The following ACSBG1 variants were observed in gnomAD, a reference collection of about 807,000 sequenced individuals.
ACSBG1 encodes acyl-CoA synthetase bubblegum family member 1.
A neutral mutation model predicts 80.2 loss-of-function variants in ACSBG1; 39 were observed. That is an observed-to-expected ratio of 0.49 (90% confidence interval 0.38 to 0.64). ACSBG1 has a LOEUF of 0.64. Among genes scored for constraint, ACSBG1 ranks in the 30% least tolerant of loss-of-function variants. ACSBG1 has a pLI of 0.00. For synonymous variants in ACSBG1, 392 were observed against 379.5 expected, an observed-to-expected ratio of 1.03 and a Z score of -0.38; for missense variants, 828 against 966.4, an observed-to-expected ratio of 0.86 and a Z score of 1.90.
At chr15:78,179,007 T>G in intron 10 of ACSBG1, 176 bp from the exon 11 acceptor site, 2 of 628,508 alleles carry the variant, frequency 3.2e-6, no homozygotes, top group Non-Finnish European at 5.5e-6. Context: ...AGTAAAGGGT[T>G]TTAGGGAATG....
At chr15:78,190,074 T>A (rs1421791579) in intron 5 of ACSBG1, among the ~76,000 whole-genome samples, 1 of 151,982 alleles carries the variant, frequency 6.6e-6, no homozygotes, top group Non-Finnish European at 1.5e-5. Flanking sequence ...TGTGGGTAAA[T>A]ATGAAACATA....
intron 1 of ACSBG1, among the ~76,000 whole-genome samples, chr15:78,209,503 G>A (rs1013343230): frequency 3.3e-5 from 5 of 152,338 alleles, no homozygotes; most frequent in African/African-American, 1.2e-4. Context: ...GCGTGTGAAT[G>A]CTGCAGAACT....
At chr15:78,198,360 T>C (rs2075134046) in intron 2 of ACSBG1, among the ~76,000 whole-genome samples, 1 of 142,242 alleles carries the variant, frequency 7.0e-6, no homozygotes, top group East Asian at 2.2e-4. Flanking sequence ...TCTTTTTTTG[T>C]TTTTGAGACA....
intron 1 of ACSBG1, chr15:78,213,476 C>CCTCT (rs2075283666): frequency 6.6e-6 from 1 of 152,364 alleles, no homozygotes; most frequent in South Asian, 2.1e-4. Flanking sequence ...CTCAGCAACC[C>CCTCT]CTCTGCTCCC....
chr15:78,218,872 C>T (rs1014656312), intron 1 of ACSBG1, among the ~76,000 whole-genome samples: 16 of 142,564 alleles, frequency 1.1e-4, no homozygotes, highest in Admixed American at 9.0e-4. Context: ...AGTGCAGTGG[C>T]GCGATCTTGG....
At chr15:78,211,959 G>A (rs1005978707) in intron 1 of ACSBG1, among the ~76,000 whole-genome samples, 6 of 152,204 alleles carry the variant, frequency 3.9e-5, no homozygotes, top group Non-Finnish European at 7.3e-5. Context: ...AGTACTTACT[G>A]TTGGAGCTCA....
At chr15:78,222,700 G>A (rs762674617) in intron 1 of ACSBG1, among the ~76,000 whole-genome samples, 1 of 152,164 alleles carries the variant, frequency 6.6e-6, no homozygotes, top group Non-Finnish European at 1.5e-5. Context: ...CAAAGCAGAC[G>A]TGAGGTGGGA....
intron 2 of ACSBG1, among the ~76,000 whole-genome samples, chr15:78,204,311 T>C (rs1399141500): frequency 6.6e-6 from 1 of 152,230 alleles, no homozygotes; most frequent in Admixed American, 6.5e-5. Context: ...GTAAGGGACC[T>C]GAGATGGGCT....
At chr15:78,181,489 CTTT>C (rs71145901) in intron 8 of ACSBG1, among the ~76,000 whole-genome samples, 3 of 83,042 alleles carry the variant, frequency 3.6e-5, no homozygotes, top group Admixed American at 1.5e-4. Flanking sequence ...CATCAGGTTT[CTTT>C]TTTTTTTTTT....
intron 1 of ACSBG1, among the ~76,000 whole-genome samples, chr15:78,232,736 G>A (rs1438449987): frequency 6.6e-6 from 1 of 151,430 alleles, no homozygotes; most frequent in Non-Finnish European, 1.5e-5. Flanking sequence ...CCAGGCTGGA[G>A]TGCAGTGGCA....
At chr15:78,214,937 C>A (rs2075295274) in intron 1 of ACSBG1, among the ~76,000 whole-genome samples, 1 of 152,186 alleles carries the variant, frequency 6.6e-6, no homozygotes, top group South Asian at 2.1e-4. Context: ...GCAATTCTTG[C>A]CTATTGCCAC....
At chr15:78,232,489 G>A (rs2075453908) in intron 1 of ACSBG1, among the ~76,000 whole-genome samples, 1 of 152,128 alleles carries the variant, frequency 6.6e-6, no homozygotes, top group South Asian at 2.1e-4. Flanking sequence ...GGGCACACAG[G>A]ACCCTCTGCC....
Position 78,168,950 on chromosome 15 carries a change from C to T in ACSBG1, c.*2494G>A. ...TTGACAAAAGATTTGGGAGGCAATG[C>T]AAAATGCTCAGACTTCACAGAGGAA... On this transcript the variant is annotated 3_prime_UTR_variant, in exon 14 of 14. Coordinates refer to ENST00000258873, the MANE Select transcript of ACSBG1 (RefSeq NM_015162.5). 1.2e-6 allele frequency: 2 copies of T among 1,603,296 alleles called. No homozygotes were observed. Among genetic ancestry groups the T allele is most frequent in the Admixed American group, 1.7e-5 (1 of 59,844 alleles).
chr15:78,205,881 C>T (rs896575955), intron 2 of ACSBG1, among the ~76,000 whole-genome samples: 5 of 152,146 alleles, frequency 3.3e-5, no homozygotes, highest in African/African-American at 1.2e-4. Flanking sequence ...CCTTCTTGTA[C>T]AGAGACTAGA....
At chr15:78,212,681 G>A in intron 1 of ACSBG1, 2 of 442,954 alleles carry the variant, frequency 4.5e-6, no homozygotes, top group Admixed American at 2.4e-5. Flanking sequence ...AGTCCCCCCG[G>A]GAGAGCCACA....
intron 3 of ACSBG1, 137 bp from the exon 4 acceptor site, chr15:78,194,157 T>C: frequency 2.4e-6 from 2 of 829,990 alleles, no homozygotes; most frequent in Non-Finnish European, 3.9e-6. Context: ...GAGAATCCCC[T>C]TGGAGGAGAA....
rs376532397 is a variant in ACSBG1, at chr15:78,191,256, A to G, written c.663+2250T>C. Among the ~76,000 whole-genome samples, 94 of 152,376 alleles carry G rather than the reference A, an allele frequency of 6.2e-4. 1 individual carries two copies. Among genetic ancestry groups the G allele is most frequent in the African/African-American group, 2.1e-3 (88 of 41,594 alleles). ...GCCTAATAACAGAGCTCCAAAATAC[A>G]TAAAGCAAAACCTAATAGAACCGGA... On this transcript the variant is annotated intron_variant, in intron 5 of 13. Coordinates refer to ENST00000258873, the MANE Select transcript of ACSBG1 (RefSeq NM_015162.5).
intron 1 of ACSBG1, chr15:78,213,641 C>T (rs1478267096): frequency 6.6e-6 from 1 of 152,258 alleles, no homozygotes; most frequent in African/African-American, 2.4e-5. Flanking sequence ...ACCTATATGG[C>T]ACGGGACCCA....
chr15:78,173,921 T>C, intron 12 of ACSBG1, 82 bp from the exon 13 acceptor site: 1 of 1,505,264 alleles, frequency 6.6e-7, no homozygotes, highest in Non-Finnish European at 8.9e-7. Context: ...CTTACTGCTG[T>C]CGGCAAGGGT....
Sources: allele counts gnomAD v4.1 joint callset (sites outside exome capture counted in the v4.1 genomes callset), GRCh38; gene constraint gnomAD v4.1.1; transcripts MANE v1.5; gene names NCBI Gene and HGNC (gene_info 2026-07-23, HGNC 2026-07-21).